Variants in KCNK13 observed in about 807,000 individuals in gnomAD.
The protein encoded by KCNK13 is potassium two pore domain channel subfamily K member 13, also known as potassium channel subfamily K member 13.
In KCNK13, 12 loss-of-function variants were observed where a neutral mutation model predicts 23.4. The ratio of observed to expected loss-of-function variants is 0.51; its 90% CI spans 0.33 to 0.83. KCNK13 has a LOEUF of 0.83. Ranked by LOEUF, KCNK13 falls within the 40% of genes least tolerant of loss-of-function variation. KCNK13 has a pLI of 0.02. For missense variants in KCNK13, 463 were observed against 556.3 expected (o/e 0.83, Z 1.69); for synonymous variants, 231 against 229.5 (o/e 1.01, Z -0.06).
intron 1 of KCNK13, among the ~76,000 whole-genome samples, chr14:90,114,149 A>G (rs1286628212): frequency 6.6e-6 from 1 of 152,092 alleles, no homozygotes; most frequent in Non-Finnish European, 1.5e-5. Context: ...GGATCCCCTT[A>G]GCTGTGCCAA....
rs1405057466 is a variant in KCNK13, at chr14:90,062,189, C to T, written c.-17C>T. The T allele has an allele frequency of 5.8e-6, 8 of 1,375,404 alleles. No homozygotes were observed. The highest frequency in any genetic ancestry group is 6.6e-6 in the Non-Finnish European group (7 of 1,066,806). 85.2% of individuals were successfully genotyped at this position (1,375,404 alleles called of 1,614,324 possible). ...CCCGGTGCCGTGGGCCTGGGGGCTGCCCCCGGGGGCCCGGCCATGGCTGGC... is the reference window on the plus strand; with the variant it reads ...CCCGGTGCCGTGGGCCTGGGGGCTGTCCCCGGGGGCCCGGCCATGGCTGGC... On this transcript the variant is annotated 5_prime_UTR_variant, in exon 1 of 2. Coordinates refer to ENST00000282146, the MANE Select transcript of KCNK13 (RefSeq NM_022054.4). This position sits in a 1 kb window ranked among gnomAD's most constrained non-coding sequence, Gnocchi z 4.5.
intron 1 of KCNK13, among the ~76,000 whole-genome samples, chr14:90,108,195 G>A (rs998506792): frequency 1.3e-5 from 2 of 152,190 alleles, no homozygotes; most frequent in Non-Finnish European, 2.9e-5. Context: ...TCTTCTTGAT[G>A]TGCTCTTTGG....
chr14:90,152,674 AG>A (rs1890149403), intron 1 of KCNK13, among the ~76,000 whole-genome samples: 1 of 152,208 alleles, frequency 6.6e-6, no homozygotes, highest in Non-Finnish European at 1.5e-5. Context: ...TGTTATTAGC[AG>A]TGTGAGAATG....
Position 90,062,606 on chromosome 14 carries a change from C to A in KCNK13, c.334+67C>A, listed in dbSNP as rs565298406. The A allele has an allele frequency of 4.1e-5, 50 of 1,221,828 alleles. No homozygotes were observed. In the African/African-American group the frequency reaches 6.7e-4, roughly 16 times the overall value. The allele number at this position is 1,221,828 out of a possible 1,614,324, so 75.7% of individuals were successfully genotyped here. On this transcript the variant is annotated intron_variant, in intron 1 of 1. Transcript: ENST00000282146. The surrounding 1 kb of genome is among the most constrained non-coding windows in gnomAD (Gnocchi z 4.5). ...CTCCACTTCCTCCGGGGGGCAGGAC[C>A]GACCCTCTCATCCTTTCATTCATCC...
intron 1 of KCNK13, among the ~76,000 whole-genome samples, chr14:90,067,628 C>T (rs980179358): frequency 6.6e-6 from 1 of 152,070 alleles, no homozygotes; most frequent in Non-Finnish European, 1.5e-5. Context: ...TATTTGACTG[C>T]AGTAAAGAAA....
At chr14:90,104,619 T>G (rs1889520624) in intron 1 of KCNK13, among the ~76,000 whole-genome samples, 1 of 151,990 alleles carries the variant, frequency 6.6e-6, no homozygotes, top group African/African-American at 2.4e-5. Flanking sequence ...AAAGGTGATG[T>G]GCATTCTGTT....
intron 1 of KCNK13, among the ~76,000 whole-genome samples, chr14:90,094,734 G>A (rs540916438): frequency 2.2e-5 from 3 of 136,404 alleles, no homozygotes; most frequent in South Asian, 2.4e-4. Flanking sequence ...TGCAAGCTCC[G>A]CCTCCCGGGT....
chr14:90,072,438 C>T (rs966082251), intron 1 of KCNK13, among the ~76,000 whole-genome samples: 8 of 152,184 alleles, frequency 5.3e-5, no homozygotes, highest in Non-Finnish European at 8.8e-5. Flanking sequence ...CAGAGTCTCA[C>T]TTTGAAACAG....
chr14:90,065,829 G>A (rs1351585625), intron 1 of KCNK13, among the ~76,000 whole-genome samples: 2 of 152,216 alleles, frequency 1.3e-5, no homozygotes, highest in Admixed American at 6.5e-5. Flanking sequence ...ACGATCCCAA[G>A]GAATGGTGGG....
intron 1 of KCNK13, among the ~76,000 whole-genome samples, chr14:90,084,196 A>G (rs1397917349): frequency 6.6e-6 from 1 of 152,154 alleles, no homozygotes; most frequent in East Asian, 1.9e-4. Flanking sequence ...CAGTTTATCA[A>G]TTACTGCAAA....
chr14:90,095,721 C>T (rs1415360390), intron 1 of KCNK13, among the ~76,000 whole-genome samples: 1 of 152,118 alleles, frequency 6.6e-6, no homozygotes, highest in African/African-American at 2.4e-5. Flanking sequence ...AGCAAGCCAG[C>T]ATCCTCTGCA....
intron 1 of KCNK13, among the ~76,000 whole-genome samples, chr14:90,106,816 G>T (rs918252577): frequency 2.6e-5 from 4 of 151,684 alleles, no homozygotes; most frequent in African/African-American, 9.7e-5. Context: ...GAGGCCAGGA[G>T]TTCCAGACCA....
intron 1 of KCNK13, among the ~76,000 whole-genome samples, chr14:90,144,788 A>G (rs1890054718): frequency 6.6e-6 from 1 of 152,036 alleles, no homozygotes; most frequent in African/African-American, 2.4e-5. Flanking sequence ...AATGCTTTTT[A>G]TCTCTTTTTC....
Position 90,075,573 on chromosome 14 carries a change from G to T in KCNK13, c.334+13034G>T, listed in dbSNP as rs140472398. 4.0e-3 allele frequency among the ~76,000 whole-genome samples: 610 copies of T among 152,236 alleles called. 3 individuals carry two copies. Among genetic ancestry groups the T allele is most frequent in the African/African-American group, 0.014 (579 of 41,554 alleles). On this transcript the variant is annotated intron_variant, in intron 1 of 1. Transcript: ENST00000282146. ...GGCTCACTGCAATCTCCACCTCCCA[G>T]TTTCCAGTGATTCTCCTGCCTCAGC... is the stretch of plus-strand genomic sequence containing the variant.
At chr14:90,100,876 T>C (rs2140406182) in intron 1 of KCNK13, among the ~76,000 whole-genome samples, 1 of 152,002 alleles carries the variant, frequency 6.6e-6, no homozygotes, top group East Asian at 1.9e-4. Flanking sequence ...TATTTATTTG[T>C]AGAGACAGAG....
At chr14:90,122,320 A>AT (rs34511761) in intron 1 of KCNK13, among the ~76,000 whole-genome samples, 3,818 of 144,304 alleles carry the variant, frequency 0.026, 155 homozygotes, top group African/African-American at 0.091. Context: ...TTCACCCATA[A>AT]TTTTTTTTTT....
intron 1 of KCNK13, among the ~76,000 whole-genome samples, chr14:90,097,140 C>T (rs906065964): frequency 5.9e-5 from 9 of 152,142 alleles, no homozygotes; most frequent in African/African-American, 1.9e-4. Context: ...AGAAATGCCT[C>T]TGCCCAATAG....
intron 1 of KCNK13, among the ~76,000 whole-genome samples, chr14:90,183,116 T>C (rs1890506913): frequency 6.6e-6 from 1 of 152,202 alleles, no homozygotes. Flanking sequence ...TCCATTGTTC[T>C]ACAATATGCA....
intron 1 of KCNK13, among the ~76,000 whole-genome samples, chr14:90,070,118 A>G (rs915344185): frequency 6.6e-6 from 1 of 152,234 alleles, no homozygotes; most frequent in Non-Finnish European, 1.5e-5. Context: ...TTTATGTACC[A>G]TCAAGAAAGA....
Sources: allele counts gnomAD v4.1 joint callset (sites outside exome capture counted in the v4.1 genomes callset), GRCh38; gene constraint gnomAD v4.1.1; non-coding constraint Gnocchi (gnomAD v3.1); transcripts MANE v1.5; gene names NCBI Gene and HGNC (gene_info 2026-07-23, HGNC 2026-07-21).